The following SP100 variants were observed in gnomAD, a reference collection of about 807,000 sequenced individuals.
The protein encoded by SP100 is nuclear autoantigen Sp-100.
SP100 carries 84 observed loss-of-function variants against 130.0 expected under a neutral mutation model. The ratio of observed to expected loss-of-function variants is 0.65; its 90% CI spans 0.54 to 0.77. SP100 has a LOEUF of 0.77. Ranked by LOEUF, SP100 falls within the 30% of genes least tolerant of loss-of-function variation. SP100 has a pLI of 0.00. For synonymous variants in SP100, 331 were observed against 351.7 expected, an observed-to-expected ratio of 0.94 and a Z score of 0.66; for missense variants, 978 against 1,052.2, an observed-to-expected ratio of 0.93 and a Z score of 0.97.
chr2:230,430,600 C>T (rs1253483883), intron 2 of SP100, among the ~76,000 whole-genome samples: 5 of 152,236 alleles, frequency 3.3e-5, no homozygotes, highest in African/African-American at 4.8e-5. Context: ...TCAGGCAAAG[C>T]TGCAAGTTGT....
At chr2:230,522,745 C>A (rs1297021984) in intron 24 of SP100, among the ~76,000 whole-genome samples, 1 of 151,928 alleles carries the variant, frequency 6.6e-6, no homozygotes, top group East Asian at 1.9e-4. Context: ...GCCTCGGCCT[C>A]CCAAAGTGCT....
chr2:230,432,079 A>G (rs2063115094), intron 2 of SP100, among the ~76,000 whole-genome samples: 1 of 152,112 alleles, frequency 6.6e-6, no homozygotes, highest in Admixed American at 6.5e-5. Flanking sequence ...AACCATCAAT[A>G]TACTTTCTAT....
At chr2:230,477,249 T>C (rs1381150116) in intron 17 of SP100, among the ~76,000 whole-genome samples, 2 of 152,126 alleles carry the variant, frequency 1.3e-5, no homozygotes, top group Non-Finnish European at 2.9e-5. Flanking sequence ...TAAATCTTGG[T>C]CATATACGTT....
intron 11 of SP100, among the ~76,000 whole-genome samples, chr2:230,465,987 C>A (rs1368736931): frequency 7.9e-5 from 12 of 151,898 alleles, no homozygotes; most frequent in Non-Finnish European, 1.3e-4. Flanking sequence ...GAGTTCGAGA[C>A]CAGTCTGACC....
At chr2:230,476,302 G>T (rs535310191) in intron 17 of SP100, among the ~76,000 whole-genome samples, 2 of 152,242 alleles carry the variant, frequency 1.3e-5, no homozygotes, top group African/African-American at 4.8e-5. Flanking sequence ...TATGGCTATT[G>T]TAAATGGGAC....
intron 24 of SP100, among the ~76,000 whole-genome samples, chr2:230,531,240 T>TA (rs568306140): frequency 4.1e-4 from 62 of 152,228 alleles, no homozygotes; most frequent in African/African-American, 1.5e-3. Context: ...TATGCAGCCA[T>TA]AAAAAAGGAT....
At chr2:230,542,152 C>A in intron 28 of SP100, 117 bp downstream of exon 28, 1 of 1,073,318 alleles carries the variant, frequency 9.3e-7, no homozygotes. Context: ...ATGACAAGCC[C>A]ATACAAGTAC....
Position 230,473,318 on chromosome 2 carries a change from A to G in SP100, c.1430-6A>G, listed in dbSNP as rs780323812. On this transcript the variant is annotated splice_polypyrimidine_tract_variant and splice_region_variant and intron_variant, in intron 15 of 28. Transcript: ENST00000340126. ...CAAATAAAAATGTTTACAAATCACA[A>G]TTTAGGATCACAGCCACAAGAACCT... 1 of 1,603,430 alleles carries G rather than the reference A, an allele frequency of 6.2e-7. No individual in the cohort carries two copies. Among genetic ancestry groups the G allele is most frequent in the South Asian group, 1.1e-5 (1 of 90,776 alleles).
rs575506940 is a variant in SP100 at position 230,544,309 on chromosome 2, A to T, written c.*1363A>T. On this transcript the variant is annotated 3_prime_UTR_variant, in exon 29 of 29. Coordinates refer to ENST00000340126, the MANE Select transcript of SP100 (RefSeq NM_001080391.2). ...CAAATGGGATCTAATTAAACTTAAG[A>T]GATTCTGCACAGCAAAAGAAACAAT... is the stretch of plus-strand genomic sequence containing the variant. 2.0e-5 allele frequency among the ~76,000 whole-genome samples: 3 copies of T among 152,236 alleles called. No individual in the cohort carries two copies. The highest frequency in any genetic ancestry group is 4.4e-5 in the Non-Finnish European group (3 of 68,038).
chr2:230,436,420 G>A (rs1229590801), intron 2 of SP100, among the ~76,000 whole-genome samples: 3 of 151,864 alleles, frequency 2.0e-5, no homozygotes, highest in Non-Finnish European at 1.5e-5. Context: ...TTGAATCATG[G>A]GGCAATTTCA....
intron 24 of SP100, among the ~76,000 whole-genome samples, chr2:230,523,311 A>T (rs988403609): frequency 6.6e-6 from 1 of 152,128 alleles, no homozygotes; most frequent in African/African-American, 2.4e-5. Context: ...ACACGTTTAG[A>T]TGTGTTTATG....
chr2:230,487,428 G>T (rs2066162851), intron 17 of SP100, among the ~76,000 whole-genome samples: 1 of 152,174 alleles, frequency 6.6e-6, no homozygotes. Context: ...TCAAATAGGA[G>T]ATCCCTTCCC....
chr2:230,472,798 G>T (rs762485849), intron 15 of SP100, among the ~76,000 whole-genome samples: 31 of 152,048 alleles, frequency 2.0e-4, no homozygotes, highest in Non-Finnish European at 3.7e-4. Flanking sequence ...TCAGAATAAG[G>T]TGTCCCCTGG....
intron 24 of SP100, among the ~76,000 whole-genome samples, chr2:230,530,353 G>A (rs556827519): frequency 1.2e-4 from 19 of 152,224 alleles, no homozygotes; most frequent in East Asian, 1.2e-3. Flanking sequence ...TTAATAAATC[G>A]TGCTGGGAAA....
intron 24 of SP100, chr2:230,538,993 A>C: frequency 3.6e-6 from 1 of 280,358 alleles, no homozygotes; most frequent in South Asian, 5.9e-5. Context: ...TGTTTAATAA[A>C]TTGCTCAAAA....
chr2:230,484,621 A>T (rs568892369), intron 17 of SP100, among the ~76,000 whole-genome samples: 14 of 152,110 alleles, frequency 9.2e-5, no homozygotes, highest in Admixed American at 2.6e-4. Flanking sequence ...CTTTACACTT[A>T]GTCTGAGCTT....
intron 24 of SP100, among the ~76,000 whole-genome samples, chr2:230,522,868 G>A (rs971862895): frequency 4.0e-5 from 6 of 151,486 alleles, no homozygotes; most frequent in African/African-American, 1.5e-4. Context: ...AGGTTGGAGT[G>A]CAGTGGTGCC....
chr2:230,502,182 C>G (rs755697409), intron 19 of SP100, among the ~76,000 whole-genome samples: 1 of 152,156 alleles, frequency 6.6e-6, no homozygotes, highest in Non-Finnish European at 1.5e-5. Flanking sequence ...CGGGCCCAGC[C>G]CTGAGATATC....
At position 230,444,424 on chromosome 2, in the gene SP100, A is replaced by T. The variant is rs55637456; in HGVS notation, c.439+78A>T. ...AAGTATATACTGATCTCCTACCATGAGTGACATGTTGTGTTGGGCAGTGGG... is the reference window on the plus strand; with the variant it reads ...AAGTATATACTGATCTCCTACCATGTGTGACATGTTGTGTTGGGCAGTGGG... On this transcript the variant is annotated intron_variant, in intron 4 of 28. Transcript: ENST00000340126. 309,916 of 1,156,810 alleles carry T rather than the reference A, an allele frequency of 0.27. 43,850 individuals are homozygous for T. The highest frequency in any genetic ancestry group is 0.32 in the African/African-American group (20,806 of 64,348). 71.7% of individuals were successfully genotyped at this position (1,156,810 alleles called of 1,614,324 possible).
Sources: gnomAD v4.1 joint callset for allele counts (sites outside exome capture counted in the v4.1 genomes callset) on GRCh38, gnomAD v4.1.1 for gene constraint, MANE v1.5 for transcripts, NCBI Gene and HGNC (gene_info 2026-07-23, HGNC 2026-07-21) for gene names.